The following TUB variants were observed in gnomAD, a reference collection of about 807,000 sequenced individuals.
The protein encoded by TUB is tubby protein homolog.
In TUB, 33 loss-of-function variants were observed where a neutral mutation model predicts 59.7. The ratio of observed to expected loss-of-function variants is 0.55; its 90% CI spans 0.42 to 0.74. The LOEUF is 0.74. TUB is among the 30% of genes least tolerant of loss of function. The pLI, the probability that TUB is intolerant of heterozygous loss-of-function variation, is 0.00. For synonymous variants in TUB, 293 were observed against 256.4 expected (o/e 1.14, Z -1.36); for missense variants, 659 against 672.0 (o/e 0.98, Z 0.21).
chr11:8,093,920 A>G (rs1834376023), intron 3 of TUB, 126 bp from the exon 4 acceptor site: 1 of 1,084,638 alleles, frequency 9.2e-7, no homozygotes, highest in Non-Finnish European at 1.4e-6. Flanking sequence ...TAGAAGTGGT[A>G]CAGGGGCCCT....
At chr11:8,085,158 T>A (rs1233994895) in intron 1 of TUB, among the ~76,000 whole-genome samples, 2 of 152,200 alleles carry the variant, frequency 1.3e-5, no homozygotes, top group Non-Finnish European at 1.5e-5. Context: ...GGCAGCCTTA[T>A]AACGACTCCC....
At chr11:8,079,174 G>T (rs559476902), upstream of TUB, among the ~76,000 whole-genome samples, 1 of 152,296 alleles carries the variant, frequency 6.6e-6, no homozygotes, top group South Asian at 2.1e-4. Flanking sequence ...GGGAATAAAG[G>T]GAGGAAAACA....
intron 1 of TUB, among the ~76,000 whole-genome samples, chr11:8,086,149 T>C (rs929856082): frequency 1.3e-5 from 2 of 152,196 alleles, no homozygotes; most frequent in Non-Finnish European, 2.9e-5. Flanking sequence ...CCCTGTCTCT[T>C]GTCTGAGTCT....
intron 1 of TUB, among the ~76,000 whole-genome samples, chr11:8,022,749 G>A (rs1942448080): frequency 6.6e-6 from 1 of 152,104 alleles, no homozygotes; most frequent in Non-Finnish European, 1.5e-5. Context: ...AATTAGCCAG[G>A]TGTGGTGGCA....
At chr11:8,078,700 G>A (rs750755180), upstream of TUB, among the ~76,000 whole-genome samples, 2 of 151,924 alleles carry the variant, frequency 1.3e-5, no homozygotes, top group African/African-American at 4.8e-5. Context: ...CAGACTGCAG[G>A]GCCATCTCTC....
rs550421683 is a variant in TUB, at chr11:8,044,639, T to C, written c.203+4947T>C. ...GTCCTGCAATTTAATTTGATTCTGG[T>C]ACTAATTATTATAACTGAAGTTAAT... is the stretch of plus-strand genomic sequence containing the variant. On this transcript the variant is annotated intron_variant, in intron 2 of 12. Transcript: ENST00000305253. Among the ~76,000 whole-genome samples, 5 of 152,332 alleles carry C rather than the reference T, an allele frequency of 3.3e-5. No individual in the cohort carries two copies. The East Asian group carries it at 7.7e-4, about 24-fold the overall frequency.
At chr11:8,050,999 C>T (rs77433786) in intron 2 of TUB, among the ~76,000 whole-genome samples, 363 of 152,288 alleles carry the variant, frequency 2.4e-3, no homozygotes, top group African/African-American at 7.8e-3. Context: ...AAGTAGCTAA[C>T]GGCCAGGACC....
intron 1 of TUB, among the ~76,000 whole-genome samples, chr11:8,033,561 G>A (rs1229102229): frequency 6.6e-6 from 1 of 152,198 alleles, no homozygotes; most frequent in African/African-American, 2.4e-5. Context: ...GGGGCCCTCA[G>A]GAACTGCCTG....
At chr11:8,094,013 C>A (rs552525070) in intron 3 of TUB, 33 bp from the exon 4 acceptor site, 10 of 1,613,818 alleles carry the variant, frequency 6.2e-6, no homozygotes, top group Non-Finnish European at 7.6e-6. Context: ...CTGCCTGTTT[C>A]TCTCTCTCCA....
chr11:8,021,305 CA>C (rs1446393819), intron 1 of TUB, among the ~76,000 whole-genome samples: 1 of 152,046 alleles, frequency 6.6e-6, no homozygotes, highest in Non-Finnish European at 1.5e-5. Flanking sequence ...ACTACAAATA[CA>C]AAAAACAAAA....
upstream of TUB, among the ~76,000 whole-genome samples, chr11:8,080,279 C>A (rs1309940382): frequency 6.6e-6 from 1 of 152,356 alleles, no homozygotes; most frequent in African/African-American, 2.4e-5. Context: ...CAGACCTCTC[C>A]CGGATCACCT....
In TUB at chr11:8,101,903, T is replaced by C; in HGVS notation, c.*284T>C. 2.4e-6 allele frequency: 1 copy of C among 410,486 alleles called. No individual in the cohort carries two copies. Among genetic ancestry groups the C allele is most frequent in the Non-Finnish European group, 4.4e-6 (1 of 228,688 alleles). The allele number at this position is 410,486 out of a possible 1,614,324, so 25.4% of individuals were successfully genotyped here. On this transcript the variant is annotated 3_prime_UTR_variant, in exon 12 of 12. Coordinates refer to ENST00000299506, the MANE Select transcript of TUB (RefSeq NM_177972.3). ...CCACCCTTGGGGTAGTAGTGTGTTGTAGTCGTACTTACCAAGCTGAGCAAC... is the reference window on the plus strand; with the variant it reads ...CCACCCTTGGGGTAGTAGTGTGTTGCAGTCGTACTTACCAAGCTGAGCAAC...
Position 8,100,494 on chromosome 11 carries a change from C to G in TUB, c.1117-9C>G, listed in dbSNP as rs763276585. 3.1e-6 allele frequency: 5 copies of G among 1,613,278 alleles called. No individual in the cohort carries two copies. The highest frequency in any genetic ancestry group is 2.7e-5 in the African/African-American group (2 of 74,872). On this transcript the variant is annotated splice_polypyrimidine_tract_variant and intron_variant, in intron 9 of 11. Transcript: ENST00000299506. ...CCTCAGGTGGCCAGTGTTGCGTTCT[C>G]TTTCCCAGGAGACAAACGTCTTAGG... is the stretch of plus-strand genomic sequence containing the variant.
intron 2 of TUB, among the ~76,000 whole-genome samples, chr11:8,071,383 C>T (rs1943357569): frequency 6.6e-6 from 1 of 152,064 alleles, no homozygotes; most frequent in Non-Finnish European, 1.5e-5. Context: ...ATGTTGGGTG[C>T]CTTGGACCTT....
At chr11:8,061,835 AAC>A (rs1943134941) in intron 2 of TUB, among the ~76,000 whole-genome samples, 1 of 151,994 alleles carries the variant, frequency 6.6e-6, no homozygotes, top group African/African-American at 2.4e-5. Flanking sequence ...CTACTTCAGG[AAC>A]AGTTTGGAGG....
chr11:8,076,053 C>T (rs1026033602), intron 2 of TUB: 10 of 152,206 alleles, frequency 6.6e-5, no homozygotes, highest in African/African-American at 2.2e-4. Context: ...GTTTCTTTCT[C>T]AGGCTCTGGG....
At chr11:8,032,275 C>T (rs986654197) in intron 1 of TUB, among the ~76,000 whole-genome samples, 3 of 152,238 alleles carry the variant, frequency 2.0e-5, no homozygotes, top group Admixed American at 6.5e-5. Context: ...CCACCCCCAA[C>T]TACCACCAAG....
In TUB at chr11:8,091,628, T is replaced by C. The variant is rs569739424; in HGVS notation, c.253+1397T>C. ...TCCCTGATGAAAAGCTCCTTCATGC[T>C]AATTCCCCTGTGTGTGTGTCAGTTC... On this transcript the variant is annotated intron_variant, in intron 3 of 11. Coordinates refer to ENST00000299506, the MANE Select transcript of TUB (RefSeq NM_177972.3). Among the ~76,000 whole-genome samples the C allele has an allele frequency of 3.4e-4, 52 of 152,296 alleles. 2 individuals are homozygous for C. Among genetic ancestry groups the C allele is most frequent in the African/African-American group, 2.9e-4 (12 of 41,554 alleles).
At chr11:8,045,426 A>C (rs1480365521) in intron 2 of TUB, among the ~76,000 whole-genome samples, 1 of 152,188 alleles carries the variant, frequency 6.6e-6, no homozygotes, top group East Asian at 1.9e-4. Flanking sequence ...ATTTTTGATT[A>C]GATGATAAAT....
Sources: gnomAD v4.1 joint callset for allele counts (sites outside exome capture counted in the v4.1 genomes callset) on GRCh38, gnomAD v4.1.1 for gene constraint, MANE v1.5 for transcripts, NCBI Gene and HGNC (gene_info 2026-07-23, HGNC 2026-07-21) for gene names.